The following UGGT1 variants were observed in gnomAD, a reference collection of about 807,000 sequenced individuals.
The protein encoded by UGGT1 is UDP-glucose glycoprotein glucosyltransferase 1.
A neutral mutation model predicts 203.9 loss-of-function variants in UGGT1; 107 were observed. That is an observed-to-expected ratio of 0.52 (90% confidence interval 0.45 to 0.62). UGGT1 has a LOEUF of 0.62. Among genes scored for constraint, UGGT1 ranks in the 20% least tolerant of loss-of-function variants. The probability of loss-of-function intolerance (pLI) is 0.00; values close to 1 mark genes in which losing one functional copy is unlikely to be tolerated. For missense variants in UGGT1, 1,673 were observed against 1,867.2 expected (o/e 0.90, Z 1.92); for synonymous variants, 628 against 653.5 (o/e 0.96, Z 0.59).
At chr2:128,140,736 G>A (rs1689379766) in intron 16 of UGGT1, among the ~76,000 whole-genome samples, 1 of 152,142 alleles carries the variant, frequency 6.6e-6, no homozygotes, top group African/African-American at 2.4e-5. Flanking sequence ...GATTGCAGCA[G>A]CGCAGTCAGG....
chr2:128,094,618 T>C (rs1687021505), intron 1 of UGGT1, among the ~76,000 whole-genome samples: 3 of 152,246 alleles, frequency 2.0e-5, no homozygotes, highest in African/African-American at 4.8e-5. Flanking sequence ...GCTGCCCTGA[T>C]GCTAAAAGGT....
chr2:128,124,518 A>G (rs1054085975), intron 11 of UGGT1, among the ~76,000 whole-genome samples: 7 of 151,826 alleles, frequency 4.6e-5, no homozygotes, highest in Non-Finnish European at 1.0e-4. Context: ...CTTGAAAATC[A>G]TTTCCTTTAG....
At chr2:128,182,633 A>G (rs973464874) in intron 37 of UGGT1, among the ~76,000 whole-genome samples, 2 of 142,226 alleles carry the variant, frequency 1.4e-5, no homozygotes, top group East Asian at 2.2e-4. Flanking sequence ...CAGGAGGCGG[A>G]GGTTGCAGTG....
chr2:128,187,010 G>A (rs1050633718), intron 39 of UGGT1, among the ~76,000 whole-genome samples: 2 of 151,966 alleles, frequency 1.3e-5, no homozygotes, highest in African/African-American at 4.8e-5. Flanking sequence ...ATCGTTTGTT[G>A]TATAGTAAGC....
intron 31 of UGGT1, 21 bp from the exon 32 acceptor site, chr2:128,176,793 G>A (rs774584000): frequency 1.9e-6 from 3 of 1,608,794 alleles, no homozygotes; most frequent in African/African-American, 2.7e-5. Flanking sequence ...TTGTAATATT[G>A]ATCTTTCTTT....
At chr2:128,115,483 TAAAAA>T (rs55952659) in intron 7 of UGGT1, among the ~76,000 whole-genome samples, 49,303 of 121,976 alleles carry the variant, frequency 0.4, 9,056 homozygotes, top group East Asian at 0.64. Flanking sequence ...TTTCATGTAC[TAAAAA>T]AAAAAAAAAA....
chr2:128,131,784 T>C (rs1410335621), intron 13 of UGGT1, among the ~76,000 whole-genome samples: 2 of 152,042 alleles, frequency 1.3e-5, no homozygotes, highest in African/African-American at 4.8e-5. Context: ...CACACCACCA[T>C]GCCCAGCTAA....
chr2:128,092,300 G>A (rs1199112937), intron 1 of UGGT1, among the ~76,000 whole-genome samples: 1 of 138,014 alleles, frequency 7.2e-6, no homozygotes, highest in Admixed American at 7.4e-5. Flanking sequence ...AAACTTAGCT[G>A]AAGCTTATTT....
chr2:128,176,707 C>A (rs1310105016), intron 31 of UGGT1, 107 bp from the exon 32 acceptor site: 3 of 1,036,496 alleles, frequency 2.9e-6, no homozygotes, highest in Middle Eastern at 2.2e-4. Flanking sequence ...ATAGCTGGAT[C>A]TGGAAAACTC....
chr2:128,124,190 C>T (rs1688507933), intron 11 of UGGT1, among the ~76,000 whole-genome samples: 1 of 152,184 alleles, frequency 6.6e-6, no homozygotes, highest in African/African-American at 2.4e-5. Flanking sequence ...TCATGATCCA[C>T]CCGCCTCGGC....
At chr2:128,094,470 C>T (rs573846990) in intron 1 of UGGT1, among the ~76,000 whole-genome samples, 22 of 152,208 alleles carry the variant, frequency 1.4e-4, no homozygotes, top group African/African-American at 5.3e-4. Flanking sequence ...TTTATTGCCT[C>T]TTCATTTTCA....
At chr2:128,179,480 A>G (rs184378975) in intron 34 of UGGT1, among the ~76,000 whole-genome samples, 1 of 152,316 alleles carries the variant, frequency 6.6e-6, no homozygotes, top group Admixed American at 6.5e-5. Flanking sequence ...GTTCATCTGG[A>G]CCATAACTAA....
rs754472546 is a variant in UGGT1, at chr2:128,183,732, CAG to C, written c.4303_4304del (p.Arg1435GlyfsTer11). The C allele has an allele frequency of 1.3e-5, 21 of 1,613,938 alleles. No individual in the cohort carries two copies. Among genetic ancestry groups the C allele is most frequent in the African/African-American group, 4.0e-5 (3 of 74,900 alleles). On this transcript the variant is annotated frameshift_variant, in exon 38 of 41. Transcript: ENST00000259253. LOFTEE classifies it high-confidence loss of function. ...GGAAAATAGCTGCTGGTGACAGACT[CAG>C]GGGACAGTACCAAGGTCTGAGTCAG... Reference protein sequence around the residue: ...FRKIAAGDRLRGQYQGLSQDP... With the variant: ...FRKIAAGDRLXGQYQGLSQDP...
chr2:128,093,080 G>T (rs1686944393), intron 1 of UGGT1, among the ~76,000 whole-genome samples: 1 of 152,110 alleles, frequency 6.6e-6, no homozygotes, highest in African/African-American at 2.4e-5. Flanking sequence ...CTTTTCCTCT[G>T]GTTTTACCTG....
rs530093242 is a variant in UGGT1 at position 128,103,526 on chromosome 2, A to AT, written c.195-400dup. Among the ~76,000 whole-genome samples the AT allele has an allele frequency of 2.6e-4, 40 of 152,240 alleles. 1 individual carries two copies. The South Asian group carries it at 6.0e-3, about 23-fold the overall frequency. On this transcript the variant is annotated intron_variant, in intron 2 of 40. Transcript: ENST00000259253. ...TGTGGGAGAACTTTAGGCAAAACAT[A>AT]TTTTTTGTTCTTTGTAAGGCCTTTC...
chr2:128,181,754 C>A lies in UGGT1; in HGVS notation c.4084-376C>A, dbSNP rs56757356. ...ACATTTAATCCTTGTTGAGTACTTA[C>A]GATGGGCAAGGCATTATTCTACATC... On this transcript the variant is annotated intron_variant, in intron 36 of 40. Coordinates refer to ENST00000259253, the MANE Select transcript of UGGT1 (RefSeq NM_020120.4). Among the ~76,000 whole-genome samples the A allele has an allele frequency of 7.9e-3, 1,201 of 152,302 alleles. 19 individuals are homozygous for A. Among genetic ancestry groups the A allele is most frequent in the African/African-American group, 0.026 (1,098 of 41,572 alleles).
rs776795268 is a variant in UGGT1, at chr2:128,091,283, A to G, written c.-75A>G. 234 of 1,436,736 alleles carry G rather than the reference A, an allele frequency of 1.6e-4. 1 individual carries two copies. Among genetic ancestry groups the G allele is most frequent in the African/African-American group, 6.6e-4 (45 of 67,886 alleles). 89.0% of individuals were successfully genotyped at this position (1,436,736 alleles called of 1,614,324 possible). Reference sequence around the variant, plus strand: ...TCGGCCTCTCACTGGCGCAGCCTGCACTGCCGCTGCCGCCTCGCCCCGCCC... The same window carrying G: ...TCGGCCTCTCACTGGCGCAGCCTGCGCTGCCGCTGCCGCCTCGCCCCGCCC... On this transcript the variant is annotated 5_prime_UTR_variant, in exon 1 of 41. Transcript: ENST00000259253.
intron 28 of UGGT1, among the ~76,000 whole-genome samples, chr2:128,172,163 C>T (rs1342558033): frequency 1.3e-5 from 2 of 152,178 alleles, no homozygotes; most frequent in Non-Finnish European, 2.9e-5. Context: ...AATGAGTCCT[C>T]CTTGAAGGGA....
chr2:128,188,295 C>T, intron 40 of UGGT1, among the ~76,000 whole-genome samples: 1 of 152,104 alleles, frequency 6.6e-6, no homozygotes, highest in East Asian at 1.9e-4. Context: ...CCGCCCGCCT[C>T]AGCCTCCCAA....
Sources: gnomAD v4.1 joint callset for allele counts (sites outside exome capture counted in the v4.1 genomes callset) on GRCh38, gnomAD v4.1.1 for gene constraint, MANE v1.5 for transcripts, NCBI Gene and HGNC (gene_info 2026-07-23, HGNC 2026-07-21) for gene names.